The following CIROZ variants were observed in gnomAD, a reference collection of about 807,000 sequenced individuals.
CIROZ encodes the protein ciliated left-right organizer ZP-N domains-containing protein.
At chr1:10,949,368 G>T in the CIROZ span, 1 of 540,662 alleles carries the variant, frequency 1.8e-6, no homozygotes, top group Non-Finnish European at 3.3e-6. Context: ...GTGTCTCAAG[G>T]CCCTGGGAGG....
At chr1:10,966,536 T>C in the CIROZ span, 38 of 1,471,184 alleles carry the variant, frequency 2.6e-5, 1 homozygote, top group South Asian at 4.2e-4. Flanking sequence ...GTGGCTTCTC[T>C]GGCAGGGTCA....
At chr1:10,957,565 A>G in the CIROZ span, 58 of 1,604,214 alleles carry the variant, frequency 3.6e-5, no homozygotes, top group Middle Eastern at 5.7e-4. Context: ...TCTAGGTGCT[A>G]TGCCCCAGAG....
the CIROZ span, among the ~76,000 whole-genome samples, chr1:10,963,420 C>T: frequency 6.6e-6 from 1 of 151,970 alleles, no homozygotes; most frequent in Non-Finnish European, 1.5e-5. Flanking sequence ...AACAAAAAAA[C>T]CCAGCTGACT....
chr1:10,957,043 A>G, the CIROZ span: 4 of 1,551,150 alleles, frequency 2.6e-6, no homozygotes, highest in Admixed American at 5.9e-5. Flanking sequence ...AGCAGCTTCT[A>G]AAGAATAGGC....
chr1:10,950,671 C>T, the CIROZ span, among the ~76,000 whole-genome samples: 1 of 152,218 alleles, frequency 6.6e-6, no homozygotes, highest in South Asian at 2.1e-4. Flanking sequence ...TCATGACAAC[C>T]AAAAAGGTCT....
At chr1:10,949,729 C>G in the CIROZ span, 1 of 1,591,704 alleles carries the variant, frequency 6.3e-7, no homozygotes, top group Non-Finnish European at 8.6e-7. Context: ...GTGGCACTCC[C>G]GCTGGAGGGG....
chr1:10,979,830 T>C, the CIROZ span, among the ~76,000 whole-genome samples: 66 of 152,290 alleles, frequency 4.3e-4, no homozygotes, highest in African/African-American at 1.5e-3. Context: ...GGCGGATCAC[T>C]TGAGGTCAGG....
the CIROZ span, among the ~76,000 whole-genome samples, chr1:10,980,934 C>A: frequency 2.0e-5 from 3 of 152,224 alleles, no homozygotes; most frequent in African/African-American, 4.8e-5. Context: ...CCCCACAAAG[C>A]CCCACTCAGC....
At chr1:10,979,012 C>T in the CIROZ span, among the ~76,000 whole-genome samples, 1 of 151,866 alleles carries the variant, frequency 6.6e-6, no homozygotes, top group Non-Finnish European at 1.5e-5. Flanking sequence ...TTTTTTGAGA[C>T]TGAGTATCTC....
the CIROZ span, among the ~76,000 whole-genome samples, chr1:10,953,259 C>T: frequency 6.6e-6 from 1 of 152,202 alleles, no homozygotes; most frequent in African/African-American, 2.4e-5. Context: ...ATCTCCTTCG[C>T]GTCTGTCTTC....
At chr1:10,949,635 C>T in the CIROZ span, 35 of 1,602,908 alleles carry the variant, frequency 2.2e-5, no homozygotes, top group East Asian at 6.7e-5. Context: ...TTGGCCAGTG[C>T]GTCGGAAGGC....
At chr1:10,964,135 A>C in the CIROZ span, 1 of 1,613,754 alleles carries the variant, frequency 6.2e-7, no homozygotes, top group Non-Finnish European at 8.5e-7. Flanking sequence ...TACCTGGATG[A>C]ACATGGGCCC....
chr1:10,981,492 G>T, the CIROZ span, among the ~76,000 whole-genome samples: 1 of 147,966 alleles, frequency 6.8e-6, no homozygotes, highest in Admixed American at 7.0e-5. Flanking sequence ...GAGAGAAAGA[G>T]AAAAGAAAGG....
chr1:10,955,539 C>A, the CIROZ span, among the ~76,000 whole-genome samples: 1 of 152,052 alleles, frequency 6.6e-6, no homozygotes, highest in Non-Finnish European at 1.5e-5. Context: ...TCCAAAGCAA[C>A]TCTTAAGTAA....
the CIROZ span, chr1:10,955,242 C>G: frequency 1.3e-6 from 2 of 1,500,664 alleles, no homozygotes; most frequent in African/African-American, 2.8e-5. Flanking sequence ...GGCTCGTGGA[C>G]AAATTAAGTG....
At chr1:10,948,334 C>A in the CIROZ span, 1 of 1,613,676 alleles carries the variant, frequency 6.2e-7, no homozygotes, top group Non-Finnish European at 8.5e-7. Context: ...AGCTCCTCTG[C>A]AGCCAGTGTG....
the CIROZ span, among the ~76,000 whole-genome samples, chr1:10,968,011 C>A: frequency 2.6e-4 from 40 of 151,198 alleles, no homozygotes; most frequent in African/African-American, 9.2e-4. Context: ...TACAAAAATT[C>A]GTTCGGCGCG....
At chr1:10,969,683 C>T in the CIROZ span, among the ~76,000 whole-genome samples, 1 of 152,180 alleles carries the variant, frequency 6.6e-6, no homozygotes, top group Admixed American at 6.6e-5. Flanking sequence ...GCACGTGGGC[C>T]GTGCCCTCAC....
At chr1:10,960,164 G>A in the CIROZ span, among the ~76,000 whole-genome samples, 1 of 152,154 alleles carries the variant, frequency 6.6e-6, no homozygotes, top group East Asian at 1.9e-4. The surrounding 1 kb of genome is among the most constrained non-coding windows in gnomAD (Gnocchi z 4.6). Context: ...GAGGCGGGTG[G>A]ATCACCTGAG....
Sources: allele counts gnomAD v4.1 joint callset (sites outside exome capture counted in the v4.1 genomes callset), GRCh38; gene constraint gnomAD v4.1.1; non-coding constraint Gnocchi (gnomAD v3.1); transcripts MANE v1.5; gene names NCBI Gene and HGNC (gene_info 2026-07-23, HGNC 2026-07-21).